Variants in THOC2 observed in about 807,000 individuals in gnomAD.
The protein encoded by THOC2 is THO complex subunit 2.
Under a neutral mutation model 128.4 loss-of-function variants are expected in THOC2, and 10 were observed. The ratio of observed to expected loss-of-function variants is 0.08; its 90% CI spans 0.05 to 0.13. The LOEUF (loss-of-function observed/expected upper bound fraction) is 0.13, where lower values mean the gene tolerates loss of function less well. Ranked by LOEUF, THOC2 falls within the 10% of genes least tolerant of loss-of-function variation. THOC2 has a pLI of 1.00. For missense variants in THOC2, 535 were observed against 1,155.7 expected (o/e 0.46, Z 7.79); for synonymous variants, 393 against 396.9 (o/e 0.99, Z 0.12).
At position 123,622,896 on chromosome X, in the gene THOC2, T is replaced by C. The variant is rs745953810; in HGVS notation, c.3683-36A>G. The C allele has an allele frequency of 7.9e-6, 8 of 1,012,630 alleles. No individual in the cohort carries two copies. In the African/African-American group the frequency reaches 1.3e-4, roughly 17 times the overall value. 83.5% of individuals were successfully genotyped at this position (1,012,630 alleles called of 1,213,427 possible). A position where few individuals can be genotyped will look rare whatever the true frequency, so the allele number is the denominator to read the frequency against. On this transcript the variant is annotated intron_variant, in intron 29 of 38. Coordinates refer to ENST00000245838, the MANE Select transcript of THOC2 (RefSeq NM_001081550.2). ...AGTAAGGTTTTATTTAACAAGCCCC[T>C]AAATGTAAATAAGCTACAATTTCAG...
At chrX:123,647,840 C>CAAAAAAAAAAAAAAAAAAAAAAAAAA (rs60123342) in intron 12 of THOC2, among the ~76,000 whole-genome samples, 1 of 37,516 alleles carries the variant, frequency 2.7e-5, no homozygotes, top group Non-Finnish European at 4.5e-5. Context: ...GACTCTGTCT[C>CAAAAAAAAAAAAAAAAAAAAAAAAAA]AAAAAAAAAA....
intron 9 of THOC2, 59 bp downstream of exon 9, chrX:123,671,610 T>G: frequency 1.3e-6 from 1 of 751,119 alleles, no homozygotes; most frequent in East Asian, 3.4e-5. Flanking sequence ...GGCTACCTAC[T>G]CCTCTTCCCT....
intron 7 of THOC2, among the ~76,000 whole-genome samples, chrX:123,687,050 T>C (rs2014161915): frequency 9.0e-6 from 1 of 111,615 alleles, no homozygotes; most frequent in Admixed American, 9.6e-5. Flanking sequence ...GTCCACATTA[T>C]TAATTCTTGG....
intron 34 of THOC2, 46 bp downstream of exon 34, chrX:123,614,006 C>G: frequency 8.7e-7 from 1 of 1,146,577 alleles, no homozygotes; most frequent in Non-Finnish European, 1.2e-6. Flanking sequence ...CACTGGTGTA[C>G]ATGATAATGA....
chrX:123,724,414 G>A (rs1162839723), intron 1 of THOC2, among the ~76,000 whole-genome samples: 2 of 112,447 alleles, frequency 1.8e-5, no homozygotes, highest in African/African-American at 6.4e-5. Flanking sequence ...GCCGGGCACT[G>A]TAGCTCACAC....
rs1465099515 is a variant in THOC2, at chrX:123,623,894, A to C, written c.3396T>G (p.Pro1132=). The C allele has an allele frequency of 8.3e-7, 1 of 1,209,574 alleles. No homozygotes were observed. The highest frequency in any genetic ancestry group is 1.1e-6 in the Non-Finnish European group (1 of 895,044). The change falls in exon 28 of 39, where the codon CCT becomes CCG. Residue 1132 remains proline (P), a synonymous_variant. Transcript: ENST00000245838. ...NILIVLTKIL[P]WYPKVLNLGQ... The stretch of plus-strand genomic sequence containing the variant: ...CCAGATTCAAAACTTTTGGGTACCA[A>C]GGAAGTATTTTTGTTAGCACAATCA...
At position 123,678,339 on chromosome X, in the gene THOC2, C is replaced by A. The variant is rs975291951; in HGVS notation, c.769-6578G>T. Among the ~76,000 whole-genome samples the A allele has an allele frequency of 3.8e-5, 4 of 105,816 alleles. No homozygotes were observed. In the Admixed American group the frequency reaches 4.1e-4, roughly 11 times the overall value. 91.9% of individuals were successfully genotyped at this position (105,816 alleles called of 115,157 possible). A position where few individuals can be genotyped will look rare whatever the true frequency, so the allele number is the denominator to read the frequency against. The stretch of plus-strand genomic sequence containing the variant: ...GCAGTGCAGTGGCACGATCTCGGCT[C>A]ACTGCAATCTCCACCTCTCGCGTTC... On this transcript the variant is annotated intron_variant, in intron 8 of 38. Coordinates refer to ENST00000245838, the MANE Select transcript of THOC2 (RefSeq NM_001081550.2).
chrX:123,708,332 A>T (rs996412013), intron 2 of THOC2, among the ~76,000 whole-genome samples: 8 of 111,803 alleles, frequency 7.2e-5, no homozygotes, highest in Non-Finnish European at 1.5e-4. Context: ...TTACAACTAT[A>T]TCTACGTTGT....
intron 5 of THOC2, among the ~76,000 whole-genome samples, chrX:123,697,386 A>C (rs914114139): frequency 1.8e-5 from 2 of 112,572 alleles, no homozygotes; most frequent in African/African-American, 6.4e-5. Context: ...AGCTGTCTAC[A>C]ATCATTTCTA....
intron 9 of THOC2, among the ~76,000 whole-genome samples, chrX:123,670,755 A>C (rs1405898837): frequency 3.6e-5 from 4 of 112,361 alleles, no homozygotes; most frequent in Non-Finnish European, 7.5e-5. Context: ...AGTCTTCCAA[A>C]ATCCCCCAAG....
intron 3 of THOC2, among the ~76,000 whole-genome samples, chrX:123,706,055 A>G (rs2031282330): frequency 9.0e-6 from 1 of 111,401 alleles, no homozygotes; most frequent in South Asian, 3.7e-4. Flanking sequence ...ATGGCAAACC[A>G]CCATGAAAAA....
At chrX:123,684,309 T>C (rs765516176) in intron 8 of THOC2, among the ~76,000 whole-genome samples, 3 of 112,016 alleles carry the variant, frequency 2.7e-5, no homozygotes, top group Admixed American at 9.5e-5. Flanking sequence ...GCAGTTGGCT[T>C]CATGTACTCA....
chrX:123,678,611 A>G (rs2049613586), intron 8 of THOC2, among the ~76,000 whole-genome samples: 1 of 110,365 alleles, frequency 9.1e-6, no homozygotes, highest in African/African-American at 3.3e-5. Flanking sequence ...AGCTTCTGCT[A>G]AACCCTTTAC....
chrX:123,684,403 G>A (rs2147864735), intron 8 of THOC2, among the ~76,000 whole-genome samples: 1 of 111,903 alleles, frequency 8.9e-6, no homozygotes, highest in South Asian at 3.7e-4. Context: ...GACTTTCTGA[G>A]ACGGAGTTTT....
chrX:123,649,111 G>A (rs1044471802), intron 12 of THOC2, among the ~76,000 whole-genome samples: 5 of 112,145 alleles, frequency 4.5e-5, no homozygotes, highest in African/African-American at 9.7e-5. Context: ...GAAGCTTCCC[G>A]AAGAAGGAAA....
intron 18 of THOC2, among the ~76,000 whole-genome samples, 173 bp downstream of exon 18, chrX:123,637,870 T>C (rs1346055461): frequency 8.9e-6 from 1 of 112,344 alleles, no homozygotes; most frequent in African/African-American, 3.2e-5. Flanking sequence ...ATAAGTACCA[T>C]ATCAACCTCC....
At chrX:123,707,029 GAATT>G in intron 2 of THOC2, 80 bp from the exon 3 acceptor site, 1 of 398,548 alleles carries the variant, frequency 2.5e-6, no homozygotes, top group Non-Finnish European at 4.0e-6. Flanking sequence ...CTACGTCTCA[GAATT>G]ATTATAAACA....
At chrX:123,729,538 TAAG>T (rs923741385) in intron 1 of THOC2, among the ~76,000 whole-genome samples, 11 of 112,195 alleles carry the variant, frequency 9.8e-5, no homozygotes, top group Non-Finnish European at 1.1e-4. Flanking sequence ...TTTATGCTGG[TAAG>T]AAGTGACAGA....
intron 15 of THOC2, among the ~76,000 whole-genome samples, chrX:123,643,560 T>C (rs772639769): frequency 9.0e-6 from 1 of 111,018 alleles, no homozygotes; most frequent in African/African-American, 3.3e-5. Flanking sequence ...AAACTGTACC[T>C]GGAGAACTCT....
Sources: allele counts gnomAD v4.1 joint callset (sites outside exome capture counted in the v4.1 genomes callset), GRCh38; gene constraint gnomAD v4.1.1; transcripts MANE v1.5; gene names NCBI Gene and HGNC (gene_info 2026-07-23, HGNC 2026-07-21).